Variants in DMD observed in about 807,000 individuals in gnomAD.
DMD encodes mutant dystrophin.
In DMD, 63 loss-of-function variants were observed where a neutral mutation model predicts 330.1. The observed-to-expected ratio is 0.19, with a 90% CI of 0.16 to 0.24. The LOEUF is 0.24. Ranked by LOEUF, DMD falls within the 10% of genes least tolerant of loss-of-function variation. DMD has a pLI of 1.00. For missense variants in DMD, 3,344 were observed against 2,684.1 expected, an observed-to-expected ratio of 1.25 and a Z score of -5.43; for synonymous variants, 1,223 against 959.8, an observed-to-expected ratio of 1.27 and a Z score of -5.07.
At chrX:32,597,419 G>A (rs945063252) in intron 12 of DMD, among the ~76,000 whole-genome samples, 5 of 111,342 alleles carry the variant, frequency 4.5e-5, no homozygotes, top group African/African-American at 1.6e-4. Context: ...TACCATGTGG[G>A]GGTTTGGGGA....
chrX:32,441,070 G>C, intron 28 of DMD, 110 bp downstream of exon 28: 4 of 845,727 alleles, frequency 4.7e-6, no homozygotes, highest in East Asian at 3.3e-5. Context: ...TGATAACATA[G>C]TAATTATACT....
At chrX:32,694,087 C>G (rs2063475911) in intron 9 of DMD, among the ~76,000 whole-genome samples, 1 of 111,697 alleles carries the variant, frequency 9.0e-6, no homozygotes, top group Non-Finnish European at 1.9e-5. Flanking sequence ...AGGTATCTTC[C>G]TTTCTCTGAA....
intron 1 of DMD, among the ~76,000 whole-genome samples, chrX:33,130,224 G>A (rs953017393): frequency 2.8e-4 from 31 of 111,796 alleles, no homozygotes; most frequent in African/African-American, 1.0e-3. Context: ...GAAAAATTAA[G>A]GATAACACAG....
intron 71 of DMD, among the ~76,000 whole-genome samples, chrX:31,175,259 T>C (rs770717372): frequency 8.1e-5 from 9 of 111,379 alleles, no homozygotes; most frequent in Non-Finnish European, 1.1e-4. Context: ...CTTGTAATAG[T>C]TGCTATCCTG....
At chrX:32,557,066 C>T (rs1200240540) in intron 16 of DMD, among the ~76,000 whole-genome samples, 2 of 111,604 alleles carry the variant, frequency 1.8e-5, no homozygotes, top group Non-Finnish European at 1.9e-5. Context: ...TGTTGTAAAG[C>T]TTTAATAAAT....
chrX:32,872,938 A>G (rs1011958312), intron 2 of DMD, among the ~76,000 whole-genome samples: 1 of 111,977 alleles, frequency 8.9e-6, no homozygotes, highest in African/African-American at 3.2e-5. Context: ...ATTCATTTTA[A>G]AACTCTTAGT....
intron 62 of DMD, among the ~76,000 whole-genome samples, chrX:31,288,607 C>T (rs756003697): frequency 1.8e-5 from 2 of 111,451 alleles, no homozygotes; most frequent in South Asian, 7.6e-4. Flanking sequence ...ACTTATAGGG[C>T]CATGTAGAGG....
intron 1 of DMD, among the ~76,000 whole-genome samples, chrX:33,097,251 C>T (rs1407192141): frequency 9.1e-6 from 1 of 109,488 alleles, no homozygotes. Context: ...ATAACACAAG[C>T]ATTCTAGATG....
At chrX:31,299,596 T>C (rs963999289) in intron 62 of DMD, among the ~76,000 whole-genome samples, 20 of 109,956 alleles carry the variant, frequency 1.8e-4, no homozygotes, top group Non-Finnish European at 3.4e-4. Context: ...GCCAAATTGG[T>C]GAAACCCTGT....
intron 62 of DMD, among the ~76,000 whole-genome samples, chrX:31,284,712 C>T (rs962672825): frequency 1.2e-4 from 13 of 107,334 alleles, no homozygotes; most frequent in Admixed American, 5.1e-4. Flanking sequence ...TTCGGATAAC[C>T]GGCATTAGCC....
chrX:31,284,966 T>A lies in DMD; in HGVS notation c.9225-23950A>T, dbSNP rs73617068. Among the ~76,000 whole-genome samples the A allele has an allele frequency of 4.4e-3, 484 of 110,209 alleles. 3 individuals are homozygous for A. The highest frequency in any genetic ancestry group is 0.015 in the African/African-American group (465 of 30,233). ...ACTGGTGCCTTGCATCTCCAGTCAT[T>A]TATCACACATCGTGTAGACCGAGAT... On this transcript the variant is annotated intron_variant, in intron 62 of 78. Transcript: ENST00000357033.
chrX:32,286,733 A>G (rs2097443214), intron 43 of DMD, among the ~76,000 whole-genome samples: 1 of 111,735 alleles, frequency 8.9e-6, no homozygotes, highest in Non-Finnish European at 1.9e-5. Flanking sequence ...GAACTAAAAT[A>G]GGAGTAAAGA....
chrX:31,199,518 A>C (rs2043230212), intron 67 of DMD, among the ~76,000 whole-genome samples: 1 of 112,299 alleles, frequency 8.9e-6, no homozygotes, highest in South Asian at 3.8e-4. Flanking sequence ...TAAATAAGCA[A>C]AATTTTACAT....
intron 16 of DMD, among the ~76,000 whole-genome samples, chrX:32,546,168 T>C (rs1569172135): frequency 2.9e-5 from 3 of 102,801 alleles, no homozygotes; most frequent in Non-Finnish European, 5.9e-5. Flanking sequence ...CATTACGAGA[T>C]AGACAAGTCA....
intron 20 of DMD, among the ~76,000 whole-genome samples, chrX:32,486,320 AAAT>A (rs2042461350): frequency 8.9e-6 from 1 of 111,994 alleles, no homozygotes; most frequent in Non-Finnish European, 1.9e-5. Flanking sequence ...TTACACTTTC[AAAT>A]AATATTTTTG....
chrX:32,764,849 G>A (rs1480818584), intron 7 of DMD, among the ~76,000 whole-genome samples: 3 of 110,449 alleles, frequency 2.7e-5, no homozygotes, highest in East Asian at 2.9e-4. Flanking sequence ...TCTATATTTT[G>A]AGAAACCAAC....
At chrX:32,313,767 A>G (rs2097573015) in intron 41 of DMD, among the ~76,000 whole-genome samples, 2 of 111,607 alleles carry the variant, frequency 1.8e-5, no homozygotes. Context: ...ACAGACAGAG[A>G]GCCAAATAAT....
Position 33,179,416 on chromosome X carries a change from G to A in DMD, c.31+31866C>T, listed in dbSNP as rs145770328. On this transcript the variant is annotated intron_variant, in intron 1 of 78. Transcript: ENST00000357033. The stretch of plus-strand genomic sequence containing the variant: ...GCCTAATTTAGAAATTGAATGGGCC[G>A]GGTGCGATGGCTCACCACTGTAATC... Among the ~76,000 whole-genome samples the A allele has an allele frequency of 5.0e-4, 56 of 111,313 alleles. No homozygotes were observed. In the East Asian group the frequency reaches 0.015, roughly 30 times the overall value.
intron 20 of DMD, among the ~76,000 whole-genome samples, chrX:32,489,669 C>T (rs1445540069): frequency 9.0e-6 from 1 of 111,416 alleles, no homozygotes; most frequent in Non-Finnish European, 1.9e-5. Context: ...CACTCAGTAG[C>T]ATTCTTAAAC....
Sources: allele counts gnomAD v4.1 joint callset (sites outside exome capture counted in the v4.1 genomes callset), GRCh38; gene constraint gnomAD v4.1.1; transcripts MANE v1.5; gene names NCBI Gene and HGNC (gene_info 2026-07-23, HGNC 2026-07-21).